Variants in ZNF578 observed in about 807,000 individuals in gnomAD.
The protein encoded by ZNF578 is zinc finger protein 578.
A neutral mutation model predicts 8.3 loss-of-function variants in ZNF578; 8 were observed. The ratio of observed to expected loss-of-function variants is 0.96; its 90% CI spans 0.56 to 1.74. The LOEUF (loss-of-function observed/expected upper bound fraction) is 1.74. ZNF578 is among the 40% of genes most tolerant of loss of function. ZNF578 has a pLI of 0.00. For synonymous variants in ZNF578, 206 were observed against 232.2 expected, an observed-to-expected ratio of 0.89 and a Z score of 1.03; for missense variants, 726 against 707.5, an observed-to-expected ratio of 1.03 and a Z score of -0.30.
chr19:52,510,719 T>TTCAGTCACATATATTCA lies in ZNF578; in HGVS notation c.339_340insCAGTCACATATATTCAT (p.Glu114GlnfsTer28), dbSNP rs2059441510. The TTCAGTCACATATATTCA allele has an allele frequency of 6.2e-7, 1 of 1,612,562 alleles. No homozygotes were observed. Among genetic ancestry groups the TTCAGTCACATATATTCA allele is most frequent in the Non-Finnish European group, 8.5e-7 (1 of 1,179,648 alleles). ...GAAATTGAAAAAGATATTCATGACT[T>TTCAGTCACATATATTCA]TGAGTTTCAGTCACAAAAAGATGAA... On this transcript the variant is annotated frameshift_variant, in exon 6 of 6. Transcript: ENST00000421239. LOFTEE classifies it low-confidence loss of function (END_TRUNC).
intron 5 of ZNF578, among the ~76,000 whole-genome samples, chr19:52,506,355 A>T (rs1307294299): frequency 1.3e-5 from 2 of 152,012 alleles, no homozygotes; most frequent in African/African-American, 4.8e-5. Context: ...CCATGCCTGT[A>T]ATCCCAGCAC....
chr19:52,509,154 A>G (rs2059435768), intron 5 of ZNF578, among the ~76,000 whole-genome samples: 1 of 151,960 alleles, frequency 6.6e-6, no homozygotes, highest in Admixed American at 6.6e-5. Context: ...CACTTGCCTC[A>G]GCCTCCCAAG....
At chr19:52,497,567 G>T (rs958212123) in intron 3 of ZNF578, among the ~76,000 whole-genome samples, 1 of 152,096 alleles carries the variant, frequency 6.6e-6, no homozygotes, top group African/African-American at 2.4e-5. Context: ...TCTCCTTTGA[G>T]CCAAGATTTC....
At chr19:52,499,689 GT>G (rs66824085) in intron 3 of ZNF578, among the ~76,000 whole-genome samples, 31 of 141,572 alleles carry the variant, frequency 2.2e-4, no homozygotes, top group South Asian at 6.6e-4. Context: ...CTTCCAAATC[GT>G]TTTTTTTTTT....
intron 3 of ZNF578, among the ~76,000 whole-genome samples, chr19:52,498,745 G>A (rs2059396403): frequency 6.9e-6 from 1 of 145,962 alleles, no homozygotes; most frequent in South Asian, 2.2e-4. Context: ...GAATGCAGTG[G>A]AACAATCTTG....
In ZNF578 at chr19:52,501,900, C is replaced by A. The variant is rs751060289; in HGVS notation, c.55C>A (p.Leu19Ile). 1 of 1,613,262 alleles carries A rather than the reference C, an allele frequency of 6.2e-7. No homozygotes were observed. ...KRKGKEPGMA[L>I]PQGRLTFRDV... Reference sequence around the variant, plus strand: ...GAAAGGAAAGGAGCCAGGCATGGCTCTTCCTCAGGTGAAGTGATATTCCTC... The same window carrying A: ...GAAAGGAAAGGAGCCAGGCATGGCTATTCCTCAGGTGAAGTGATATTCCTC... Residue 19 changes from leucine to isoleucine, a missense_variant, in exon 4 of 6, where the codon CTT (leucine) becomes ATT (isoleucine). Transcript: ENST00000421239.
At chr19:52,499,874 G>A (rs2447423) in intron 3 of ZNF578, among the ~76,000 whole-genome samples, 3 of 152,004 alleles carry the variant, frequency 2.0e-5, no homozygotes, top group African/African-American at 7.3e-5. Flanking sequence ...AATGTTTGAA[G>A]ACCATGTCCC....
intron 3 of ZNF578, among the ~76,000 whole-genome samples, chr19:52,497,069 G>A (rs868672864): frequency 5.9e-5 from 9 of 151,656 alleles, no homozygotes; most frequent in South Asian, 2.1e-4. Context: ...AGTAGCTGGG[G>A]CCACAGGCAC....
rs762041988 is a variant in ZNF578 at position 52,510,816 on chromosome 19, G to A, written c.435G>A (p.Arg145=). The A allele has an allele frequency of 1.2e-6, 2 of 1,614,024 alleles. No individual in the cohort carries two copies. Among genetic ancestry groups the A allele is most frequent in the Non-Finnish European group, 1.7e-6 (2 of 1,180,026 alleles). ...GTAGCACAGACCGACATGATCAAAG[G>A]CATGCTGGAAACAAGCCTATTAAAG... The part of the protein sequence containing the change: ...LMGSTDRHDQ[R]HAGNKPIKDQ... Residue 145 remains arginine (R), a synonymous_variant, in exon 6 of 6, where the codon AGG becomes AGA. Transcript: ENST00000421239.
chr19:52,489,672 T>C (rs1318198018), intron 2 of ZNF578, among the ~76,000 whole-genome samples: 1 of 145,258 alleles, frequency 6.9e-6, no homozygotes, highest in Non-Finnish European at 1.5e-5. Flanking sequence ...GAAATTCTTC[T>C]TTTTTTTTTT....
chr19:52,482,804 G>A (rs1460233600), intron 2 of ZNF578, among the ~76,000 whole-genome samples: 1 of 151,918 alleles, frequency 6.6e-6, no homozygotes, highest in African/African-American at 2.4e-5. Flanking sequence ...GGGTGTGGTG[G>A]TACATGCCTC....
chr19:52,479,115 A>G (rs1307497442), intron 2 of ZNF578, among the ~76,000 whole-genome samples: 10 of 150,118 alleles, frequency 6.7e-5, no homozygotes, highest in Non-Finnish European at 1.5e-4. Context: ...AATCTCATGC[A>G]GAAGCTTAGT....
intron 5 of ZNF578, among the ~76,000 whole-genome samples, chr19:52,508,988 G>A (rs753345944): frequency 1.5e-5 from 2 of 132,900 alleles, no homozygotes; most frequent in African/African-American, 2.8e-5. Flanking sequence ...TGCAACCTCC[G>A]GCTCCTGGGT....
intron 3 of ZNF578, among the ~76,000 whole-genome samples, chr19:52,493,523 G>C (rs1322131639): frequency 6.6e-6 from 1 of 152,162 alleles, no homozygotes; most frequent in Admixed American, 6.5e-5. Flanking sequence ...GGAGAACCGA[G>C]GGAGAAACAC....
At position 52,480,609 on chromosome 19, in the gene ZNF578, A is replaced by T. The variant is rs573795740; in HGVS notation, c.-121-10715A>T. On this transcript the variant is annotated intron_variant, in intron 2 of 5. Coordinates refer to ENST00000421239, the MANE Select transcript of ZNF578 (RefSeq NM_001099694.2). ...ATGTAAGGATTTAAAAAAAAAAAAA[A>T]ATTTTTGGCCGGGCACAGTGGCTCA... 5.9e-4 allele frequency among the ~76,000 whole-genome samples: 73 copies of T among 124,196 alleles called. 3 individuals are homozygous for T. The South Asian group carries it at 0.01, about 17-fold the overall frequency. The allele number at this position is 124,196 out of a possible 152,430, so 81.5% of individuals were successfully genotyped here. A position where few individuals can be genotyped will look rare whatever the true frequency, so the allele number is the denominator to read the frequency against.
chr19:52,478,169 T>C (rs2059314080), intron 2 of ZNF578, among the ~76,000 whole-genome samples: 1 of 152,196 alleles, frequency 6.6e-6, no homozygotes, highest in African/African-American at 2.4e-5. Flanking sequence ...GACAAACAAG[T>C]GCAAGCCAAA....
At chr19:52,456,829 CTTGT>C (rs2059241175) in intron 1 of ZNF578, 35 bp from the exon 2 acceptor site, 1 of 154,334 alleles carries the variant, frequency 6.5e-6, no homozygotes, top group Non-Finnish European at 1.5e-5. Context: ...TCAGGATTAA[CTTGT>C]TTTTTAAAAA....
At chr19:52,486,356 C>T (rs948954036) in intron 2 of ZNF578, among the ~76,000 whole-genome samples, 15 of 152,186 alleles carry the variant, frequency 9.9e-5, no homozygotes, top group African/African-American at 3.1e-4. Flanking sequence ...AGACCAGTGC[C>T]GTCGTGGGTC....
At chr19:52,505,955 T>A (rs993600125) in intron 5 of ZNF578, among the ~76,000 whole-genome samples, 1 of 151,994 alleles carries the variant, frequency 6.6e-6, no homozygotes, top group Non-Finnish European at 1.5e-5. Flanking sequence ...TTGAGTGCAG[T>A]GGCTTGATCT....
Sources: gnomAD v4.1 joint callset for allele counts (sites outside exome capture counted in the v4.1 genomes callset) on GRCh38, gnomAD v4.1.1 for gene constraint, MANE v1.5 for transcripts, NCBI Gene and HGNC (gene_info 2026-07-23, HGNC 2026-07-21) for gene names.